Variants in ABCD3 observed in about 807,000 individuals in gnomAD.
The protein encoded by ABCD3 is ATP-binding cassette sub-family D member 3.
ABCD3 carries 41 observed loss-of-function variants against 105.5 expected under a neutral mutation model. The ratio of observed to expected loss-of-function variants is 0.39; its 90% CI spans 0.30 to 0.50. The LOEUF (loss-of-function observed/expected upper bound fraction) is 0.50, where lower values mean the gene tolerates loss of function less well. Among genes scored for constraint, ABCD3 ranks in the 20% least tolerant of loss-of-function variants. ABCD3 has a pLI of 0.84. For synonymous variants in ABCD3, 258 were observed against 269.0 expected (o/e 0.96, Z 0.40); for missense variants, 622 against 806.3 (o/e 0.77, Z 2.77).
the ABCD3 span, among the ~76,000 whole-genome samples, chr1:94,397,932 C>T: frequency 6.6e-6 from 1 of 152,098 alleles, no homozygotes; most frequent in African/African-American, 2.4e-5. Context: ...GAGTCTTAAC[C>T]ACAATAATTA....
chr1:94,398,250 G>C, the ABCD3 span, among the ~76,000 whole-genome samples: 1 of 152,156 alleles, frequency 6.6e-6, no homozygotes, highest in Non-Finnish European at 1.5e-5. Flanking sequence ...TCTAGCGCCA[G>C]AGGGTTGATT....
rs1050494936 is a variant in ABCD3, at chr1:94,511,780, A to G, written c.1846-3366A>G. On this transcript the variant is annotated intron_variant, in intron 21 of 22. Coordinates refer to ENST00000370214, the MANE Select transcript of ABCD3 (RefSeq NM_002858.4). ...CTGATACCCTTTCTTCCAGTTGATC[A>G]CATCGGCTCCTGAGGCTTCTGCATT... Among the ~76,000 whole-genome samples, 393 of 152,184 alleles carry G rather than the reference A, an allele frequency of 2.6e-3. 3 individuals carry two copies. The highest frequency in any genetic ancestry group is 9.1e-3 in the African/African-American group (379 of 41,534).
At chr1:94,516,385 A>G (rs1650923677) in intron 22 of ABCD3, among the ~76,000 whole-genome samples, 1 of 151,946 alleles carries the variant, frequency 6.6e-6, no homozygotes, top group African/African-American at 2.4e-5. Context: ...TCATGAACTG[A>G]GCAGGAAATT....
At position 94,498,938 on chromosome 1, in the gene ABCD3, C is replaced by T. The variant is rs1433998933; in HGVS notation, c.1531-7C>T. 1 of 1,612,996 alleles carries T rather than the reference C, an allele frequency of 6.2e-7. No homozygotes were observed. The highest frequency in any genetic ancestry group is 8.5e-7 in the Non-Finnish European group (1 of 1,179,186). ...CTTCTAATTGACTTTTGCTCTACTA[C>T]TGTCAGAGACCTTACATGACCCTTG... On this transcript the variant is annotated splice_region_variant and splice_polypyrimidine_tract_variant and intron_variant, in intron 18 of 22. Transcript: ENST00000370214.
intron 20 of ABCD3, among the ~76,000 whole-genome samples, chr1:94,502,606 C>T (rs1650152786): frequency 6.6e-6 from 1 of 151,808 alleles, no homozygotes; most frequent in African/African-American, 2.4e-5. Flanking sequence ...AAGAGATTCT[C>T]CTGCCTCAGC....
rs1215105200 is a variant in ABCD3 at position 94,458,596 on chromosome 1, T to G, written c.111-11T>G. 1.6e-5 allele frequency: 25 copies of G among 1,610,852 alleles called. No individual in the cohort carries two copies. Among genetic ancestry groups the G allele is most frequent in the Non-Finnish European group, 2.0e-5 (24 of 1,177,416 alleles). On this transcript the variant is annotated splice_polypyrimidine_tract_variant and intron_variant, in intron 1 of 22. Coordinates refer to ENST00000370214, the MANE Select transcript of ABCD3 (RefSeq NM_002858.4). The stretch of plus-strand genomic sequence containing the variant: ...AAAGTAAAGCTCTCTCTCTCTTTTT[T>G]TCCTCTGCAGTAAGAAAAGTGGAAA...
chr1:94,474,067 T>C (rs1648614026), intron 5 of ABCD3, among the ~76,000 whole-genome samples: 1 of 149,372 alleles, frequency 6.7e-6, no homozygotes, highest in African/African-American at 2.5e-5. Flanking sequence ...CATATACATA[T>C]GTATGTGGGT....
chr1:94,425,454 G>T (rs1440905689), intron 1 of ABCD3, among the ~76,000 whole-genome samples: 1 of 152,166 alleles, frequency 6.6e-6, no homozygotes, highest in Non-Finnish European at 1.5e-5. Flanking sequence ...TGAGGATCTA[G>T]ACTGTCTCTG....
In ABCD3 at chr1:94,478,317, TG is replaced by T. The variant is rs1175162484; in HGVS notation, c.684+3del. On this transcript the variant is annotated splice_donor_region_variant and intron_variant, in intron 8 of 22. Transcript: ENST00000370214. ...TTAACGAGTGCAATTGGAGCTCAGG[TG>T]AGTCTGCTTTTATTTCAACTTTTAA... is the stretch of plus-strand genomic sequence containing the variant. The T allele has an allele frequency of 1.9e-6, 3 of 1,598,102 alleles. No homozygotes were observed. The highest frequency in any genetic ancestry group is 2.6e-6 in the Non-Finnish European group (3 of 1,167,706).
chr1:94,452,724 T>G (rs1454041528), intron 1 of ABCD3, among the ~76,000 whole-genome samples: 1 of 151,384 alleles, frequency 6.6e-6, no homozygotes, highest in Non-Finnish European at 1.5e-5. Flanking sequence ...TTTTTTTTGT[T>G]TTTTTTTGTT....
chr1:94,407,356 G>T, the ABCD3 span, among the ~76,000 whole-genome samples: 1 of 152,008 alleles, frequency 6.6e-6, no homozygotes, highest in African/African-American at 2.4e-5. Flanking sequence ...CTCCATATTG[G>T]TCAGGCTGGT....
In ABCD3 at chr1:94,421,537, A is replaced by G. The variant is rs928371644; in HGVS notation, c.110+2949A>G. On this transcript the variant is annotated intron_variant, in intron 1 of 22. Coordinates refer to ENST00000370214, the MANE Select transcript of ABCD3 (RefSeq NM_002858.4). ...AAGGAAGTGTCTATTTCAGAATGTT[A>G]TATTACTGTACTGGGAGCTATAAGA... Among the ~76,000 whole-genome samples the G allele has an allele frequency of 2.0e-5, 3 of 150,826 alleles. No individual in the cohort carries two copies. In the South Asian group the frequency reaches 6.3e-4, roughly 32 times the overall value.
chr1:94,399,722 C>T, the ABCD3 span, among the ~76,000 whole-genome samples: 1 of 152,104 alleles, frequency 6.6e-6, no homozygotes, highest in Non-Finnish European at 1.5e-5. Flanking sequence ...ATCAAAAAAA[C>T]AAAACAAAAC....
chr1:94,435,878 T>C (rs558828986), intron 1 of ABCD3, among the ~76,000 whole-genome samples: 76 of 152,348 alleles, frequency 5.0e-4, no homozygotes, highest in African/African-American at 1.6e-3. Flanking sequence ...TTATTTGTGC[T>C]TCAGTTTATT....
intron 7 of ABCD3, 81 bp from the exon 8 acceptor site, chr1:94,478,178 A>G (rs867890308): frequency 2.3e-6 from 2 of 868,124 alleles, no homozygotes; most frequent in Non-Finnish European, 3.8e-6. Flanking sequence ...GTTTAATGAC[A>G]TTTTATAGTT....
Position 94,487,762 on chromosome 1 carries a change from C to A in ABCD3, c.1036C>A (p.Leu346Ile). The A allele has an allele frequency of 6.2e-7, 1 of 1,613,956 alleles. No homozygotes were observed. The highest frequency in any genetic ancestry group is 1.1e-5 in the South Asian group (1 of 91,072). Residue 346 changes from leucine to isoleucine, a missense_variant, in exon 12 of 23, where the codon CTC (leucine) becomes ATC (isoleucine). This residue lies in a region of ABCD3 where 245 missense variants were observed against 356.4 expected (regional missense o/e 0.69). Coordinates refer to ENST00000370214, the MANE Select transcript of ABCD3 (RefSeq NM_002858.4). ...CTTAGATTTGTCTCATCCTCGACAT[C>A]TCAAGAGTACACATTCGGAACTTCT... ...PFLDLSHPRH[L>I]KSTHSELLED...
Position 94,499,584 on chromosome 1 carries a change from A to C in ABCD3, c.1710A>C (p.Val570=). The C allele has an allele frequency of 1.2e-6, 2 of 1,613,780 alleles. No homozygotes were observed. Among genetic ancestry groups the C allele is most frequent in the Non-Finnish European group, 1.7e-6 (2 of 1,179,802 alleles). The change falls in exon 20 of 23, where the codon GTA becomes GTC. Residue 570 remains valine, a synonymous_variant. Transcript: ENST00000370214. ...ACAGTGTTCAGGATTGGATGGACGT[A>C]CTCAGTGGTGGAGAAAAGCAAAGAA... ...GWDSVQDWMD[V]LSGGEKQRMA... is the part of the protein sequence containing the mutation.
intron 9 of ABCD3, chr1:94,482,219 A>G (rs1311915226): frequency 6.6e-6 from 1 of 152,190 alleles, no homozygotes; most frequent in Non-Finnish European, 1.5e-5. Flanking sequence ...ACGCGTGACA[A>G]ATGTGTCATA....
chr1:94,502,531 C>A (rs1011153634), intron 20 of ABCD3, among the ~76,000 whole-genome samples: 2 of 144,140 alleles, frequency 1.4e-5, no homozygotes, highest in African/African-American at 5.2e-5. Flanking sequence ...GAGTCTCATT[C>A]TGTCGCCCAG....
Sources: allele counts gnomAD v4.1 joint callset (sites outside exome capture counted in the v4.1 genomes callset), GRCh38; gene constraint gnomAD v4.1.1; regional missense constraint gnomAD v4.1.1; transcripts MANE v1.5; gene names NCBI Gene and HGNC (gene_info 2026-07-23, HGNC 2026-07-21).